The following SDK1 variants were observed in gnomAD, a reference collection of about 807,000 sequenced individuals.
The protein encoded by SDK1 is protein sidekick-1.
In SDK1, 157 loss-of-function variants were observed where a neutral mutation model predicts 245.5. The ratio of observed to expected loss-of-function variants is 0.64; its 90% confidence interval spans 0.56 to 0.73. The LOEUF is 0.73. Among genes scored for constraint, SDK1 ranks in the 30% least tolerant of loss-of-function variants. The probability of loss-of-function intolerance (pLI) is 0.00; values close to 1 mark genes in which losing one functional copy is unlikely to be tolerated. For synonymous variants in SDK1, 1,647 were observed against 1,278.5 expected (o/e 1.29, Z -6.15); for missense variants, 3,583 against 3,002.3 (o/e 1.19, Z -4.52).
chr7:3,444,587 A>G (rs1465883213), intron 1 of SDK1, among the ~76,000 whole-genome samples: 4 of 151,668 alleles, frequency 2.6e-5, no homozygotes, highest in African/African-American at 7.3e-5. Context: ...AACTGGACAC[A>G]CTCTTCTGTT....
At chr7:3,850,264 A>C (rs1280187188) in intron 5 of SDK1, among the ~76,000 whole-genome samples, 1 of 152,242 alleles carries the variant, frequency 6.6e-6, no homozygotes, top group African/African-American at 2.4e-5. Flanking sequence ...CAAAGGGGAC[A>C]GCAATGCTAT....
Position 3,962,822 on chromosome 7 carries a change from T to C in SDK1, c.1400T>C (p.Ile467Thr), listed in dbSNP as rs1241945275. 4 of 1,613,038 alleles carry C rather than the reference T, an allele frequency of 2.5e-6. No homozygotes were observed. The African/African-American group carries it at 5.3e-5, about 22-fold the overall frequency. ...QCFASNEGGE[I>T]QTHTYLDVTN... ...TTCGCCAGCAATGAAGGAGGGGAGA[T>C]CCAGACCCACACCTACCTGGATGTA... is the stretch of plus-strand genomic sequence containing the variant. The change falls in exon 9 of 45, where the codon ATC (isoleucine) becomes ACC (threonine). Residue 467 changes from isoleucine (I) to threonine (T), a missense_variant. By Grantham distance (89) the Ile-to-Thr change is moderately conservative (BLOSUM62 -1). Coordinates refer to ENST00000404826, the MANE Select transcript of SDK1 (RefSeq NM_152744.4).
chr7:3,747,386 A>G (rs973061670), intron 4 of SDK1, among the ~76,000 whole-genome samples: 1 of 152,000 alleles, frequency 6.6e-6, no homozygotes, highest in Non-Finnish European at 1.5e-5. Context: ...TGCAATATTT[A>G]TTGAAGGCAT....
chr7:3,417,429 G>A (rs1026654480), intron 1 of SDK1, among the ~76,000 whole-genome samples: 4 of 152,026 alleles, frequency 2.6e-5, no homozygotes, highest in African/African-American at 9.7e-5. Context: ...TGCCTATGCT[G>A]TTTTCTCTGC....
chr7:3,503,730 C>A (rs938781680), intron 1 of SDK1, among the ~76,000 whole-genome samples: 3 of 151,764 alleles, frequency 2.0e-5, no homozygotes, highest in African/African-American at 4.8e-5. Flanking sequence ...GAATGATATA[C>A]TTAAGAGTAA....
chr7:3,791,630 C>G (rs1021420229), intron 4 of SDK1, among the ~76,000 whole-genome samples: 1 of 152,048 alleles, frequency 6.6e-6, no homozygotes, highest in Non-Finnish European at 1.5e-5. Flanking sequence ...GTGGGGAGGA[C>G]GATTGGAGAA....
intron 1 of SDK1, among the ~76,000 whole-genome samples, chr7:3,524,716 C>G (rs954040302): frequency 6.6e-6 from 1 of 152,128 alleles, no homozygotes; most frequent in African/African-American, 2.4e-5. Flanking sequence ...TAGACATGTT[C>G]ACTTTGAGAA....
intron 38 of SDK1, among the ~76,000 whole-genome samples, chr7:4,215,359 A>G (rs1420472532): frequency 6.6e-6 from 1 of 152,162 alleles, no homozygotes; most frequent in East Asian, 1.9e-4. Flanking sequence ...GTCCCCCTAC[A>G]CCGACTCTGC....
At chr7:3,348,296 A>G (rs1419767793) in intron 1 of SDK1, among the ~76,000 whole-genome samples, 10 of 152,182 alleles carry the variant, frequency 6.6e-5, no homozygotes, top group Admixed American at 5.2e-4. Context: ...GAATAATGCT[A>G]GTACCTGACT....
intron 5 of SDK1, among the ~76,000 whole-genome samples, chr7:3,825,689 G>C (rs1484958998): frequency 6.6e-6 from 1 of 152,110 alleles, no homozygotes; most frequent in Non-Finnish European, 1.5e-5. Flanking sequence ...ACTCACGTAG[G>C]GTTAGTAGTT....
intron 5 of SDK1, among the ~76,000 whole-genome samples, chr7:3,917,663 T>A (rs756581656): frequency 3.3e-5 from 5 of 152,174 alleles, no homozygotes; most frequent in African/African-American, 4.8e-5. Context: ...GGAACGTCTA[T>A]GGGACCAGCT....
rs111551043 is a variant in SDK1 at position 4,202,474 on chromosome 7, A to G, written c.5099-3405A>G. On this transcript the variant is annotated intron_variant, in intron 35 of 44. Transcript: ENST00000404826. ...CTGCTAGAAGAGAAGGTTCCAGGCC[A>G]TGTGACTCTCCAGAAAGTGAGTTGT... Among the ~76,000 whole-genome samples the G allele has an allele frequency of 5.3e-5, 8 of 152,308 alleles. 1 individual carries two copies. The highest frequency in any genetic ancestry group is 4.1e-4 in the South Asian group (2 of 4,820).
chr7:4,155,859 G>C (rs1293216794), intron 30 of SDK1, among the ~76,000 whole-genome samples: 1 of 152,154 alleles, frequency 6.6e-6, no homozygotes, highest in Non-Finnish European at 1.5e-5. Context: ...TGGATGTTGA[G>C]TCTTGTAAAG....
intron 5 of SDK1, among the ~76,000 whole-genome samples, chr7:3,895,617 C>T (rs1402044896): frequency 1.3e-5 from 2 of 150,932 alleles, no homozygotes; most frequent in East Asian, 1.9e-4. Flanking sequence ...TCTTTCCACT[C>T]CGCTGTCCTG....
chr7:4,090,209 C>T (rs1486284090), intron 22 of SDK1, among the ~76,000 whole-genome samples: 1 of 152,196 alleles, frequency 6.6e-6, no homozygotes, highest in Non-Finnish European at 1.5e-5. Flanking sequence ...ACCCACTTTA[C>T]AATTAATCAG....
At chr7:3,474,481 C>A (rs943012565) in intron 1 of SDK1, among the ~76,000 whole-genome samples, 1 of 152,034 alleles carries the variant, frequency 6.6e-6, no homozygotes, top group Non-Finnish European at 1.5e-5. Flanking sequence ...TCCCTCCAGT[C>A]CCTTGGCCTA....
chr7:4,215,960 G>T (rs1193660278), intron 38 of SDK1, among the ~76,000 whole-genome samples: 1 of 152,140 alleles, frequency 6.6e-6, no homozygotes, highest in Non-Finnish European at 1.5e-5. Context: ...CTCACACAGG[G>T]AGCAAGCAGT....
At chr7:3,752,961 C>G in intron 4 of SDK1, among the ~76,000 whole-genome samples, 1 of 152,088 alleles carries the variant, frequency 6.6e-6, no homozygotes, top group East Asian at 1.9e-4. Flanking sequence ...GTCTTAAATT[C>G]CATCCCTCCC....
At chr7:4,214,851 T>G (rs998477172) in intron 38 of SDK1, among the ~76,000 whole-genome samples, 2 of 151,854 alleles carry the variant, frequency 1.3e-5, no homozygotes, top group African/African-American at 4.8e-5. Context: ...CCGGGGTCTT[T>G]CCCGCCACAA....
Sources: gnomAD v4.1 joint callset for allele counts (sites outside exome capture counted in the v4.1 genomes callset) on GRCh38, gnomAD v4.1.1 for gene constraint, MANE v1.5 for transcripts, NCBI Gene and HGNC (gene_info 2026-07-23, HGNC 2026-07-21) for gene names.